ABI3BP: variants seen among roughly 807,000 people sequenced by gnomAD.
ABI3BP encodes the protein ABI family member 3 binding protein.
ABI3BP carries 216 observed loss-of-function variants against 268.6 expected under a neutral mutation model. The observed-to-expected ratio is 0.80, with a 90% CI of 0.72 to 0.90. The LOEUF (loss-of-function observed/expected upper bound fraction) is 0.90, where lower values mean the gene tolerates loss of function less well. Among genes scored for constraint, ABI3BP ranks in the 40% least tolerant of loss-of-function variants. ABI3BP has a pLI of 0.00. For synonymous variants in ABI3BP, 730 were observed against 730.0 expected, an observed-to-expected ratio of 1.00 and a Z score of 0.00; for missense variants, 2,090 against 2,182.4, an observed-to-expected ratio of 0.96 and a Z score of 0.84.
chr3:100,808,110 A>G, intron 50 of ABI3BP, 51 bp downstream of exon 50: 2 of 1,508,078 alleles, frequency 1.3e-6, no homozygotes, highest in Non-Finnish European at 1.8e-6. Context: ...TTGCTAGAAT[A>G]ACCCCACTAA....
intron 1 of ABI3BP, among the ~76,000 whole-genome samples, chr3:100,978,589 A>T (rs2087523876): frequency 6.6e-6 from 1 of 152,188 alleles, no homozygotes; most frequent in African/African-American, 2.4e-5. Flanking sequence ...TATGGTAAAA[A>T]ATAGTTTCTA....
Position 100,784,855 on chromosome 3 carries a change from G to C in ABI3BP, c.4162+2873C>G, listed in dbSNP as rs796928584. 4.6e-5 allele frequency among the ~76,000 whole-genome samples: 7 copies of C among 152,114 alleles called. No individual in the cohort carries two copies. In the South Asian group the frequency reaches 1.4e-3, roughly 31 times the overall value. On this transcript the variant is annotated intron_variant, in intron 57 of 67. Transcript: ENST00000471714. ...GTAAGTACACAAAGGCATACAGAGTGATATACCGAACTTTAGAGACCCAGA... is the reference window on the plus strand; with the variant it reads ...GTAAGTACACAAAGGCATACAGAGTCATATACCGAACTTTAGAGACCCAGA...
intron 14 of ABI3BP, among the ~76,000 whole-genome samples, chr3:100,853,012 G>A (rs2098876922): frequency 6.6e-6 from 1 of 152,166 alleles, no homozygotes; most frequent in South Asian, 2.1e-4. Flanking sequence ...GAAGAAAGGA[G>A]CTCACAGGAA....
At chr3:100,881,480 T>C (rs1306332243) in intron 6 of ABI3BP, among the ~76,000 whole-genome samples, 3 of 152,212 alleles carry the variant, frequency 2.0e-5, no homozygotes, top group African/African-American at 4.8e-5. Context: ...TTAAATTTGC[T>C]TTCAAAAATC....
At chr3:100,991,193 A>G (rs978203640) in intron 1 of ABI3BP, among the ~76,000 whole-genome samples, 5 of 152,226 alleles carry the variant, frequency 3.3e-5, no homozygotes, top group Non-Finnish European at 7.3e-5. Context: ...CTAAGTGATC[A>G]TGAATATCTT....
At chr3:100,914,278 C>G in intron 2 of ABI3BP, 1 of 228,032 alleles carries the variant, frequency 4.4e-6, no homozygotes, top group Non-Finnish European at 9.4e-6. Flanking sequence ...ATTACAAGAT[C>G]TGTTGAATAA....
intron 4 of ABI3BP, among the ~76,000 whole-genome samples, chr3:100,890,693 C>T (rs1223479365): frequency 2.0e-5 from 3 of 152,078 alleles, no homozygotes; most frequent in Non-Finnish European, 4.4e-5. Flanking sequence ...GTTGGCTGAC[C>T]TCTTTATTAT....
At position 100,848,714 on chromosome 3, in the gene ABI3BP, A is replaced by T; in HGVS notation, c.1576+87T>A. 4.5e-6 allele frequency: 6 copies of T among 1,332,496 alleles called. No homozygotes were observed. In the South Asian group the frequency reaches 7.2e-5, roughly 16 times the overall value. The allele number at this position is 1,332,496 out of a possible 1,614,324, so 82.5% of individuals were successfully genotyped here. A position where few individuals can be genotyped will look rare whatever the true frequency, so the allele number is the denominator to read the frequency against. On this transcript the variant is annotated intron_variant, in intron 18 of 67. Coordinates refer to ENST00000471714, the MANE Select transcript of ABI3BP (RefSeq NM_001375547.2). ...AGTGCTGGAGTTGCAGGTGTGAGCC[A>T]CTGCACCTGGCTATCCTTCTTACTA...
chr3:100,783,766 A>G (rs1241644115), intron 57 of ABI3BP, among the ~76,000 whole-genome samples: 1 of 152,250 alleles, frequency 6.6e-6, no homozygotes, highest in Non-Finnish European at 1.5e-5. Context: ...TACACATTGT[A>G]CATAGCACAA....
chr3:100,885,484 C>A (rs1458778364), intron 6 of ABI3BP, 52 bp downstream of exon 6: 7 of 1,061,656 alleles, frequency 6.6e-6, no homozygotes, highest in Non-Finnish European at 9.3e-6. Context: ...ATTTCCTTAA[C>A]AATGCAGATA....
intron 41 of ABI3BP, 111 bp downstream of exon 41, chr3:100,818,414 G>T: frequency 1.1e-6 from 1 of 931,884 alleles, no homozygotes; most frequent in Non-Finnish European, 1.6e-6. Flanking sequence ...AGACTATAAT[G>T]GAATGATGAC....
At chr3:100,933,547 T>A (rs923593430) in intron 1 of ABI3BP, among the ~76,000 whole-genome samples, 1 of 151,060 alleles carries the variant, frequency 6.6e-6, no homozygotes, top group African/African-American at 2.4e-5. Context: ...TAAATTGGAC[T>A]AGGTCAAATT....
chr3:100,852,019 A>G (rs2098846663), intron 14 of ABI3BP, 79 bp from the exon 15 acceptor site: 1 of 1,273,322 alleles, frequency 7.9e-7, no homozygotes, highest in Non-Finnish European at 1.1e-6. Flanking sequence ...ATTACATGAC[A>G]TGTTGTAATG....
At chr3:100,778,219 A>G in intron 59 of ABI3BP, 65 bp downstream of exon 59, 1 of 1,490,334 alleles carries the variant, frequency 6.7e-7, no homozygotes, top group South Asian at 1.1e-5. Flanking sequence ...CACGCCAAGA[A>G]GAGCTTATGT....
chr3:100,758,119 AC>A (rs1441748209), intron 63 of ABI3BP, among the ~76,000 whole-genome samples: 7 of 151,956 alleles, frequency 4.6e-5, no homozygotes, highest in African/African-American at 9.7e-5. Flanking sequence ...CAAAAAAAAA[AC>A]AATCTTCCCC....
rs373258893 is a variant in ABI3BP at position 100,912,353 on chromosome 3, A to G, written c.260-9667T>C. Among the ~76,000 whole-genome samples the G allele has an allele frequency of 4.7e-5, 7 of 149,962 alleles. No homozygotes were observed. In the East Asian group the frequency reaches 7.8e-4, roughly 17 times the overall value. ...CAATGAGTCAAAGGAAGCTCTTTCC[A>G]TAAGTATAAAACAAAAACCTCAAGG... On this transcript the variant is annotated intron_variant, in intron 2 of 67. Coordinates refer to ENST00000471714, the MANE Select transcript of ABI3BP (RefSeq NM_001375547.2).
chr3:100,923,328 C>A (rs1236843362), intron 2 of ABI3BP, among the ~76,000 whole-genome samples: 3 of 152,166 alleles, frequency 2.0e-5, no homozygotes, highest in African/African-American at 7.2e-5. Flanking sequence ...CTATTCAATT[C>A]TGTGGCACAA....
chr3:100,820,984 G>T (rs1264777202), intron 39 of ABI3BP, 70 bp downstream of exon 39: 17 of 1,256,106 alleles, frequency 1.4e-5, no homozygotes, highest in Non-Finnish European at 1.9e-5. Context: ...AGAATCTGCG[G>T]CTATGATGAT....
intron 2 of ABI3BP, among the ~76,000 whole-genome samples, chr3:100,922,553 TGATGGCGATGGCGATGGC>T (rs1268567142): frequency 1.4e-5 from 2 of 146,074 alleles, no homozygotes; most frequent in Non-Finnish European, 3.0e-5. Context: ...ATGGTGATGG[TGATGGCGATGGCGATGGC>T]GATGGTGATG....
Sources: gnomAD v4.1 joint callset for allele counts (sites outside exome capture counted in the v4.1 genomes callset) on GRCh38, gnomAD v4.1.1 for gene constraint, MANE v1.5 for transcripts, NCBI Gene and HGNC (gene_info 2026-07-23, HGNC 2026-07-21) for gene names.